Variants in CNTN4 observed in about 807,000 individuals in gnomAD.
The protein encoded by CNTN4 is contactin-4.
A neutral mutation model predicts 122.5 loss-of-function variants in CNTN4; 77 were observed. That is an observed-to-expected ratio of 0.63 (90% confidence interval 0.52 to 0.76). The LOEUF (loss-of-function observed/expected upper bound fraction) is 0.76, where lower values mean the gene tolerates loss of function less well. Ranked by LOEUF, CNTN4 falls within the 30% of genes least tolerant of loss-of-function variation. The probability of loss-of-function intolerance (pLI) is 0.00; values close to 1 mark genes in which losing one functional copy is unlikely to be tolerated. For missense variants in CNTN4, 1,256 were observed against 1,259.1 expected, an observed-to-expected ratio of 1.00 and a Z score of 0.04; for synonymous variants, 512 against 447.0, an observed-to-expected ratio of 1.15 and a Z score of -1.83.
At chr3:2,708,555 A>G (rs970103625) in intron 4 of CNTN4, among the ~76,000 whole-genome samples, 2 of 152,188 alleles carry the variant, frequency 1.3e-5, no homozygotes, top group African/African-American at 4.8e-5. Context: ...TGAAGTTTTA[A>G]TAAAGGAGCC....
At chr3:2,380,701 C>CTT (rs77365212) in intron 3 of CNTN4, among the ~76,000 whole-genome samples, 56 of 143,840 alleles carry the variant, frequency 3.9e-4, no homozygotes, top group Admixed American at 2.4e-3. Flanking sequence ...TAGTGGGTTT[C>CTT]TTTTTTTTTT....
intron 3 of CNTN4, among the ~76,000 whole-genome samples, chr3:2,376,308 A>C (rs1406734558): frequency 6.6e-6 from 1 of 152,178 alleles, no homozygotes; most frequent in Non-Finnish European, 1.5e-5. Flanking sequence ...CCAAATTAGA[A>C]CACTTTCTTG....
At position 3,038,918 on chromosome 3, in the gene CNTN4, T is replaced by C; in HGVS notation, c.2093-15T>C. On this transcript the variant is annotated splice_polypyrimidine_tract_variant and intron_variant, in intron 18 of 24. Transcript: ENST00000418658. ...TTGCCGCCTGACATAACTTGTTTTT[T>C]GTCTCCTTGTGCAGTCCCCGAAGTC... 6.2e-7 allele frequency: 1 copy of C among 1,613,790 alleles called. No homozygotes were observed.
chr3:2,631,895 CT>C (rs2082454149), intron 4 of CNTN4, among the ~76,000 whole-genome samples: 1 of 123,124 alleles, frequency 8.1e-6, no homozygotes. Flanking sequence ...AAAACAACAA[CT>C]AAAAAATTAG....
chr3:2,296,048 G>C (rs112109889), intron 2 of CNTN4, among the ~76,000 whole-genome samples: 1 of 151,936 alleles, frequency 6.6e-6, no homozygotes, highest in Non-Finnish European at 1.5e-5. Flanking sequence ...TCTCTGTTTT[G>C]GTACCAGTAC....
chr3:2,983,314 TA>T (rs1694235758), intron 13 of CNTN4, among the ~76,000 whole-genome samples: 1 of 139,740 alleles, frequency 7.2e-6, no homozygotes, highest in Non-Finnish European at 1.5e-5. Flanking sequence ...ATGGGTTCAA[TA>T]TATCATCCCC....
chr3:2,238,594 T>A (rs1031473083), intron 2 of CNTN4, among the ~76,000 whole-genome samples: 3 of 151,936 alleles, frequency 2.0e-5, no homozygotes, highest in Non-Finnish European at 4.4e-5. Flanking sequence ...TGGCTTTAAA[T>A]ATTTGGTGAT....
intron 3 of CNTN4, among the ~76,000 whole-genome samples, chr3:2,387,787 C>T (rs1433361599): frequency 6.6e-6 from 1 of 152,098 alleles, no homozygotes; most frequent in African/African-American, 2.4e-5. Context: ...CATTATTCTT[C>T]ATTATTTCTT....
chr3:2,926,708 A>G (rs1272229328), intron 13 of CNTN4, among the ~76,000 whole-genome samples: 1 of 152,224 alleles, frequency 6.6e-6, no homozygotes, highest in Admixed American at 6.5e-5. Context: ...GCATATACAT[A>G]TTAGACCTGA....
At chr3:2,123,106 G>C (rs926161269) in intron 2 of CNTN4, among the ~76,000 whole-genome samples, 3 of 152,154 alleles carry the variant, frequency 2.0e-5, no homozygotes, top group African/African-American at 7.2e-5. Context: ...GATCTTCTGA[G>C]AACCCTCAGC....
intron 20 of CNTN4, chr3:3,041,033 CATT>C (rs1700117601): frequency 6.6e-6 from 1 of 152,284 alleles, no homozygotes; most frequent in Non-Finnish European, 1.5e-5. Context: ...ATTTCTCACA[CATT>C]ATTATCACCT....
chr3:2,676,974 G>A (rs1001572073), intron 4 of CNTN4, among the ~76,000 whole-genome samples: 8 of 152,100 alleles, frequency 5.3e-5, no homozygotes, highest in Admixed American at 5.2e-4. Context: ...GAAATCTTCA[G>A]AGCCTGCAGG....
chr3:3,033,996 A>G (rs1699392270), intron 16 of CNTN4, among the ~76,000 whole-genome samples: 1 of 152,198 alleles, frequency 6.6e-6, no homozygotes, highest in East Asian at 1.9e-4. Flanking sequence ...TGAAGAAGGG[A>G]GCGCCTTGAC....
At chr3:2,959,548 C>T (rs1041118429) in intron 13 of CNTN4, among the ~76,000 whole-genome samples, 18 of 152,048 alleles carry the variant, frequency 1.2e-4, no homozygotes, top group Non-Finnish European at 2.4e-4. Flanking sequence ...ATAGTATATA[C>T]CATCTAATTA....
chr3:2,182,718 A>G (rs138472093), intron 2 of CNTN4, among the ~76,000 whole-genome samples: 1 of 152,062 alleles, frequency 6.6e-6, no homozygotes, highest in African/African-American at 2.4e-5. Flanking sequence ...TAATCCAGTT[A>G]TTGGTATTAA....
intron 6 of CNTN4, among the ~76,000 whole-genome samples, chr3:2,784,366 T>C (rs1007521076): frequency 8.5e-5 from 13 of 152,220 alleles, no homozygotes; most frequent in African/African-American, 3.1e-4. Context: ...CAACTTTGTT[T>C]ATTGCGCACC....
At chr3:2,937,403 G>A (rs2094576400) in intron 13 of CNTN4, among the ~76,000 whole-genome samples, 3 of 152,056 alleles carry the variant, frequency 2.0e-5, no homozygotes, top group African/African-American at 7.3e-5. Flanking sequence ...TGGTGGCAGT[G>A]GAGAGAAAAG....
At chr3:2,728,783 C>T (rs1188207466) in intron 4 of CNTN4, among the ~76,000 whole-genome samples, 2 of 152,200 alleles carry the variant, frequency 1.3e-5, no homozygotes, top group African/African-American at 4.8e-5. Flanking sequence ...TCTATTCAAG[C>T]CCTTGTGTTC....
intron 3 of CNTN4, among the ~76,000 whole-genome samples, chr3:2,352,545 C>A (rs900549220): frequency 6.6e-6 from 1 of 152,178 alleles, no homozygotes; most frequent in Non-Finnish European, 1.5e-5. Context: ...GGCCAACGGG[C>A]GGAGGGGATG....
Sources: gnomAD v4.1 joint callset for allele counts (sites outside exome capture counted in the v4.1 genomes callset) on GRCh38, gnomAD v4.1.1 for gene constraint, MANE v1.5 for transcripts, NCBI Gene and HGNC (gene_info 2026-07-23, HGNC 2026-07-21) for gene names.